The following ZNF562 variants were observed in gnomAD, a reference collection of about 807,000 sequenced individuals.
ZNF562 encodes the protein zinc finger protein 562.
Under a neutral mutation model 17.5 loss-of-function variants are expected in ZNF562, and 13 were observed. That is an observed-to-expected ratio of 0.74 (90% CI 0.48 to 1.18). The LOEUF (loss-of-function observed/expected upper bound fraction) is 1.18, where lower values mean the gene tolerates loss of function less well. Among genes scored for constraint, ZNF562 ranks in the 50% most tolerant of loss-of-function variants. The pLI is 0.00. For synonymous variants in ZNF562, 163 were observed against 165.4 expected, an observed-to-expected ratio of 0.99 and a Z score of 0.11; for missense variants, 481 against 498.5, an observed-to-expected ratio of 0.96 and a Z score of 0.33.
intron 1 of ZNF562, among the ~76,000 whole-genome samples, chr19:9,665,795 G>T (rs2043934559): frequency 6.6e-6 from 1 of 151,742 alleles, no homozygotes; most frequent in African/African-American, 2.4e-5. Context: ...CAGGTGGATG[G>T]CTTGAGCTCA....
intron 1 of ZNF562, among the ~76,000 whole-genome samples, chr19:9,667,117 C>A (rs1599312843): frequency 6.6e-6 from 1 of 152,274 alleles, no homozygotes; most frequent in Middle Eastern, 3.4e-3. Flanking sequence ...TGCAAAAATT[C>A]TCACCAAAAT....
In ZNF562 at chr19:9,664,299, C is replaced by A. The variant is rs565973694; in HGVS notation, c.-130-3425G>T. On this transcript the variant is annotated intron_variant, in intron 1 of 5. Coordinates refer to ENST00000453372, the MANE Select transcript of ZNF562 (RefSeq NM_001130031.2). ...GGTCTGGATGGTCTGGAACTCCTGA[C>A]CACGAGTGGTCCACCCGCCCCAGCC... Among the ~76,000 whole-genome samples the A allele has an allele frequency of 2.0e-5, 3 of 152,298 alleles. No homozygotes were observed. The East Asian group carries it at 5.8e-4, about 29-fold the overall frequency.
rs960147113 is a variant in ZNF562, at chr19:9,649,274, C to T, written c.*3675G>A. The T allele has an allele frequency of 2.0e-5, 3 of 152,114 alleles. No individual in the cohort carries two copies. The highest frequency in any genetic ancestry group is 7.2e-5 in the African/African-American group (3 of 41,406). 9.4% of individuals were successfully genotyped at this position (152,114 alleles called of 1,614,324 possible). ...GGAGGATGTATATTACCTCAGGACC[C>T]TGTAATAATTGCATTAACTGCACAA... On this transcript the variant is annotated 3_prime_UTR_variant, in exon 6 of 6. Coordinates refer to ENST00000453372, the MANE Select transcript of ZNF562 (RefSeq NM_001130031.2).
chr19:9,648,461 C>G lies in ZNF562; in HGVS notation c.*4488G>C, dbSNP rs1332113026. 1.3e-5 allele frequency: 2 copies of G among 152,122 alleles called. No individual in the cohort carries two copies. The highest frequency in any genetic ancestry group is 2.4e-5 in the African/African-American group (1 of 41,410). 9.4% of individuals were successfully genotyped at this position (152,122 alleles called of 1,614,324 possible). On this transcript the variant is annotated 3_prime_UTR_variant, in exon 6 of 6. Transcript: ENST00000453372. The stretch of plus-strand genomic sequence containing the variant: ...GGGATTACAGGTGCACATCACCACA[C>G]CCAGCTAATTTTTGTATTGTTAGTA...
chr19:9,670,326 G>A (rs1170875913), intron 1 of ZNF562, among the ~76,000 whole-genome samples: 4 of 152,006 alleles, frequency 2.6e-5, no homozygotes, highest in African/African-American at 4.8e-5. Flanking sequence ...ATCCCATTGG[G>A]TATATATCCA....
chr19:9,671,868 T>C (rs1406285520), intron 1 of ZNF562, among the ~76,000 whole-genome samples: 1 of 152,206 alleles, frequency 6.6e-6, no homozygotes, highest in East Asian at 1.9e-4. Context: ...TGACAGAGAA[T>C]GAACAACTAG....
intron 1 of ZNF562, among the ~76,000 whole-genome samples, chr19:9,664,785 G>T (rs771738660): frequency 1.3e-5 from 2 of 152,042 alleles, no homozygotes; most frequent in Non-Finnish European, 2.9e-5. Flanking sequence ...CAGCACTCTG[G>T]GAGGCCAAGG....
chr19:9,661,581 G>A (rs2043740859), intron 1 of ZNF562, among the ~76,000 whole-genome samples: 1 of 152,194 alleles, frequency 6.6e-6, no homozygotes. Context: ...GGATCACGAG[G>A]TCAGGAGTTC....
At chr19:9,659,973 A>T (rs979127891) in intron 2 of ZNF562, among the ~76,000 whole-genome samples, 1 of 122,968 alleles carries the variant, frequency 8.1e-6, no homozygotes, top group Non-Finnish European at 1.7e-5. Flanking sequence ...AAAAAAAAAA[A>T]AAAAACTACA....
chr19:9,661,063 C>G (rs1420901734), intron 1 of ZNF562, among the ~76,000 whole-genome samples, 189 bp from the exon 2 acceptor site: 1 of 152,176 alleles, frequency 6.6e-6, no homozygotes, highest in Non-Finnish European at 1.5e-5. Flanking sequence ...AGAAGTAGCT[C>G]TAGTAGCTTT....
intron 1 of ZNF562, among the ~76,000 whole-genome samples, chr19:9,665,502 A>T (rs1392158717): frequency 3.3e-5 from 5 of 152,158 alleles, no homozygotes; most frequent in Non-Finnish European, 7.4e-5. Flanking sequence ...AAATACCCTG[A>T]GGACATCCAG....
At position 9,651,442 on chromosome 19, in the gene ZNF562, T is replaced by G. The variant is rs1185522359; in HGVS notation, c.*1507A>C. ...ATTCCTGAGTGCTTACAGGAAAATG[T>G]GCTGGGAACAGGCCCCCCAAATCTG... On this transcript the variant is annotated 3_prime_UTR_variant, in exon 6 of 6. Transcript: ENST00000453372. The G allele has an allele frequency of 6.6e-6, 1 of 152,186 alleles. No homozygotes were observed. Among genetic ancestry groups the G allele is most frequent in the African/African-American group, 2.4e-5 (1 of 41,440 alleles). The allele number at this position is 152,186 out of a possible 1,614,324, so 9.4% of individuals were successfully genotyped here.
At chr19:9,663,616 A>G (rs188997038) in intron 1 of ZNF562, among the ~76,000 whole-genome samples, 46 of 151,878 alleles carry the variant, frequency 3.0e-4, no homozygotes, top group African/African-American at 1.0e-3. Flanking sequence ...TCTTGCTCTT[A>G]TCGCCCAGGC....
chr19:9,660,574 T>C (rs10418780), intron 2 of ZNF562, 146 bp downstream of exon 2: 176,731 of 746,318 alleles, frequency 0.24, 29,687 homozygotes, highest in African/African-American at 0.7. Context: ...CCATTGCACT[T>C]CAGCCTGGGC....
In ZNF562 at chr19:9,655,717, CTTTTTTTTTTTTTT is replaced by C. The variant is rs58199071; in HGVS notation, c.348+816_348+829del. On this transcript the variant is annotated intron_variant, in intron 5 of 5. Transcript: ENST00000453372. ...TTACAGGATTCACTTTCTTTTCTTT[CTTTTTTTTTTTTTT>C]TTTTTTTTTTTTTTTTTTTTTAGAT... 5.2e-3 allele frequency among the ~76,000 whole-genome samples: 254 copies of C among 48,702 alleles called. 1 individual carries two copies. The highest frequency in any genetic ancestry group is 0.019 in the African/African-American group (230 of 12,322). 32.0% of individuals were successfully genotyped at this position (48,702 alleles called of 152,430 possible).
intron 4 of ZNF562, among the ~76,000 whole-genome samples, chr19:9,657,039 CAA>C (rs1301187261): frequency 5.3e-5 from 6 of 113,656 alleles, no homozygotes; most frequent in Admixed American, 9.2e-5. Flanking sequence ...GACTCCATCT[CAA>C]AAAAAAAAAA....
At position 9,648,751 on chromosome 19, in the gene ZNF562, A is replaced by T. The variant is rs946338677; in HGVS notation, c.*4198T>A. On this transcript the variant is annotated 3_prime_UTR_variant, in exon 6 of 6. Transcript: ENST00000453372. ...CCCCTGGGCTCAGGCCACCCTCCCAAGTAGCTAAAACTATAGGCATGCATC... is the reference window on the plus strand; with the variant it reads ...CCCCTGGGCTCAGGCCACCCTCCCATGTAGCTAAAACTATAGGCATGCATC... 6.6e-6 allele frequency: 1 copy of T among 151,762 alleles called. No homozygotes were observed. The highest frequency in any genetic ancestry group is 1.5e-5 in the Non-Finnish European group (1 of 67,944). 9.4% of individuals were successfully genotyped at this position (151,762 alleles called of 1,614,324 possible). A position where few individuals can be genotyped will look rare whatever the true frequency, so the allele number is the denominator to read the frequency against.
chr19:9,669,707 C>T lies in ZNF562; in HGVS notation c.-131+5308G>A, dbSNP rs1287934779. On this transcript the variant is annotated intron_variant, in intron 1 of 5. Transcript: ENST00000453372. Reference sequence around the variant, plus strand: ...GAAACTGGCAAGACCTGTCTGCATGCACGCGCGCGAGCGCGCGCGCGCGCG... The same window carrying T: ...GAAACTGGCAAGACCTGTCTGCATGTACGCGCGCGAGCGCGCGCGCGCGCG... 2.7e-3 allele frequency among the ~76,000 whole-genome samples: 247 copies of T among 90,914 alleles called. 1 individual carries two copies. Among genetic ancestry groups the T allele is most frequent in the African/African-American group, 0.011 (190 of 17,220 alleles). 59.6% of individuals were successfully genotyped at this position (90,914 alleles called of 152,430 possible).
Position 9,650,411 on chromosome 19 carries a change from C to A in ZNF562, c.*2538G>T, listed in dbSNP as rs2074851205. 1 of 142,214 alleles carries A rather than the reference C, an allele frequency of 7.0e-6. No individual in the cohort carries two copies. Among genetic ancestry groups the A allele is most frequent in the Non-Finnish European group, 1.5e-5 (1 of 67,552 alleles). The allele number at this position is 142,214 out of a possible 1,614,324, so 8.8% of individuals were successfully genotyped here. ...ATGTATATATATATACACATACACA[C>A]ACACACACACACACACACAGTGACC... is the stretch of plus-strand genomic sequence containing the variant. On this transcript the variant is annotated 3_prime_UTR_variant, in exon 6 of 6. Coordinates refer to ENST00000453372, the MANE Select transcript of ZNF562 (RefSeq NM_001130031.2).
Sources: allele counts gnomAD v4.1 joint callset (sites outside exome capture counted in the v4.1 genomes callset), GRCh38; gene constraint gnomAD v4.1.1; transcripts MANE v1.5; gene names NCBI Gene and HGNC (gene_info 2026-07-23, HGNC 2026-07-21).